The following ROBO2 variants were observed in gnomAD, a reference collection of about 807,000 sequenced individuals.
ROBO2 encodes the protein roundabout homolog 2.
A neutral mutation model predicts 160.8 loss-of-function variants in ROBO2; 53 were observed. The ratio of observed to expected loss-of-function variants is 0.33; its 90% confidence interval spans 0.26 to 0.41. ROBO2 has a LOEUF of 0.41. ROBO2 is among the 10% of genes least tolerant of loss of function. The probability of loss-of-function intolerance (pLI) is 1.00; values close to 1 mark genes in which losing one functional copy is unlikely to be tolerated. For synonymous variants in ROBO2, 664 were observed against 611.7 expected (o/e 1.09, Z -1.26); for missense variants, 1,577 against 1,722.4 (o/e 0.92, Z 1.49).
intron 2 of ROBO2, among the ~76,000 whole-genome samples, chr3:76,869,663 A>G (rs1174247743): frequency 6.6e-6 from 1 of 151,892 alleles, no homozygotes; most frequent in Non-Finnish European, 1.5e-5. Context: ...TTTTTTTAGT[A>G]TTGGAAATTT....
chr3:76,660,738 C>A (rs2091780839), intron 2 of ROBO2, among the ~76,000 whole-genome samples: 1 of 151,938 alleles, frequency 6.6e-6, no homozygotes, highest in Non-Finnish European at 1.5e-5. Context: ...TGAATAATAC[C>A]AAGAGCCAAT....
chr3:77,451,608 T>G (rs2081114928), intron 2 of ROBO2, among the ~76,000 whole-genome samples: 1 of 152,042 alleles, frequency 6.6e-6, no homozygotes, highest in Non-Finnish European at 1.5e-5. Flanking sequence ...AATTGCAAGA[T>G]CTCACTCTTT....
At chr3:76,870,584 C>T (rs577533502) in intron 2 of ROBO2, among the ~76,000 whole-genome samples, 4 of 152,024 alleles carry the variant, frequency 2.6e-5, no homozygotes, top group Admixed American at 2.6e-4. Context: ...CTATGAACAC[C>T]TAGAGATTAT....
intron 1 of ROBO2, among the ~76,000 whole-genome samples, chr3:77,058,887 C>T (rs145373164): frequency 5.3e-5 from 8 of 151,942 alleles, no homozygotes; most frequent in Non-Finnish European, 7.4e-5. Context: ...AGTTTTTGAC[C>T]GTTATTGTTA....
intron 2 of ROBO2, among the ~76,000 whole-genome samples, chr3:76,558,672 T>C (rs2083963890): frequency 6.6e-6 from 1 of 152,156 alleles, no homozygotes; most frequent in Non-Finnish European, 1.5e-5. Flanking sequence ...CCAATTGCAT[T>C]AGGGCTGATG....
intron 2 of ROBO2, among the ~76,000 whole-genome samples, chr3:76,650,594 A>T (rs891008874): frequency 6.6e-6 from 1 of 151,976 alleles, no homozygotes; most frequent in Non-Finnish European, 1.5e-5. Context: ...AGTTCTTGAC[A>T]GTTTTGCAAC....
intron 2 of ROBO2, among the ~76,000 whole-genome samples, chr3:76,864,906 C>T (rs1185465851): frequency 6.6e-6 from 1 of 152,028 alleles, no homozygotes; most frequent in African/African-American, 2.4e-5. Flanking sequence ...TGGGACTAGT[C>T]ATTGCAGTTT....
chr3:75,936,197 C>T (rs1947774678), intron 1 of ROBO2, among the ~76,000 whole-genome samples: 1 of 152,154 alleles, frequency 6.6e-6, no homozygotes, highest in African/African-American at 2.4e-5. Flanking sequence ...TCTTAAATTT[C>T]TCTTTAGCTC....
intron 2 of ROBO2, among the ~76,000 whole-genome samples, chr3:75,978,311 A>T (rs1359394111): frequency 1.3e-5 from 2 of 151,500 alleles, no homozygotes; most frequent in Non-Finnish European, 3.0e-5. Context: ...CAATAATTTT[A>T]AAAAAGTACT....
chr3:76,584,218 G>A (rs1481471980), intron 2 of ROBO2, among the ~76,000 whole-genome samples: 3 of 152,012 alleles, frequency 2.0e-5, no homozygotes, highest in South Asian at 4.1e-4. Context: ...TGGTACCAAC[G>A]TAGAACTGCA....
intron 2 of ROBO2, among the ~76,000 whole-genome samples, chr3:76,764,884 T>C (rs575332363): frequency 6.3e-4 from 95 of 151,864 alleles, no homozygotes; most frequent in African/African-American, 2.2e-3. Flanking sequence ...TTGATAGACT[T>C]GCTGGCAAGT....
At chr3:76,161,183 A>T (rs1275948171) in intron 2 of ROBO2, among the ~76,000 whole-genome samples, 2 of 152,000 alleles carry the variant, frequency 1.3e-5, no homozygotes, top group Non-Finnish European at 2.9e-5. Context: ...TTAAAAAAAA[A>T]AATACAGTGA....
At chr3:76,181,212 T>C (rs1457165234) in intron 2 of ROBO2, among the ~76,000 whole-genome samples, 1 of 152,146 alleles carries the variant, frequency 6.6e-6, no homozygotes, top group East Asian at 1.9e-4. Context: ...CTAGATTTGC[T>C]TGTGGAATGT....
chr3:76,760,270 T>G (rs1050197379), intron 2 of ROBO2, among the ~76,000 whole-genome samples: 3 of 151,786 alleles, frequency 2.0e-5, no homozygotes, highest in Non-Finnish European at 4.4e-5. Context: ...TAAAATAGAC[T>G]CTTTCCAAAT....
intron 2 of ROBO2, among the ~76,000 whole-genome samples, chr3:76,109,082 T>C (rs114859255): frequency 0.027 from 4,133 of 152,046 alleles, 192 homozygotes; most frequent in African/African-American, 0.092. Flanking sequence ...TACTGGTTTT[T>C]AAATAACCTA....
intron 2 of ROBO2, among the ~76,000 whole-genome samples, chr3:76,728,769 T>C (rs2093590071): frequency 6.6e-6 from 1 of 152,236 alleles, no homozygotes; most frequent in Non-Finnish European, 1.5e-5. Context: ...AATTCGACAG[T>C]AAAATATGCT....
intron 2 of ROBO2, among the ~76,000 whole-genome samples, chr3:76,488,522 G>A (rs2107480868): frequency 6.6e-6 from 1 of 152,234 alleles, no homozygotes; most frequent in Non-Finnish European, 1.5e-5. Flanking sequence ...AAAGCCAGGA[G>A]GGGTACATCG....
chr3:77,491,021 T>C (rs1358132316), intron 4 of ROBO2, among the ~76,000 whole-genome samples: 2 of 152,234 alleles, frequency 1.3e-5, no homozygotes, highest in Non-Finnish European at 2.9e-5. Context: ...AGTCCTTCAA[T>C]AGCTCTCTAT....
At chr3:76,373,851 G>A (rs545941794) in intron 2 of ROBO2, among the ~76,000 whole-genome samples, 93 of 152,010 alleles carry the variant, frequency 6.1e-4, no homozygotes, top group African/African-American at 1.9e-3. Context: ...GCTCACTCGT[G>A]CTTCTGTGGT....
Sources: allele counts gnomAD v4.1 joint callset (sites outside exome capture counted in the v4.1 genomes callset), GRCh38; gene constraint gnomAD v4.1.1; transcripts MANE v1.5; gene names NCBI Gene and HGNC (gene_info 2026-07-23, HGNC 2026-07-21).